Variants in IL1RAPL2 observed in about 807,000 individuals in gnomAD.
The protein encoded by IL1RAPL2 is X-linked interleukin-1 receptor accessory protein-like 2.
In IL1RAPL2, 3 loss-of-function variants were observed where a neutral mutation model predicts 44.1. The observed-to-expected ratio is 0.07, with a 90% CI of 0.03 to 0.18. IL1RAPL2 has a LOEUF of 0.18. Among genes scored for constraint, IL1RAPL2 ranks in the 10% least tolerant of loss-of-function variants. The pLI, the probability that IL1RAPL2 is intolerant of heterozygous loss-of-function variation, is 1.00. For missense variants in IL1RAPL2, 391 were observed against 496.4 expected (o/e 0.79, Z 2.02); for synonymous variants, 181 against 178.8 (o/e 1.01, Z -0.10).
At chrX:105,337,267 G>A (rs1046584732) in intron 5 of IL1RAPL2, among the ~76,000 whole-genome samples, 6 of 111,590 alleles carry the variant, frequency 5.4e-5, no homozygotes, top group Non-Finnish European at 1.1e-4. Context: ...AAATGATTTA[G>A]TAACAACCCA....
chrX:105,124,032 G>A (rs2032951257), intron 2 of IL1RAPL2, among the ~76,000 whole-genome samples: 1 of 110,788 alleles, frequency 9.0e-6, no homozygotes, highest in South Asian at 3.8e-4. Flanking sequence ...CTATCTAAAT[G>A]TAGCATCATC....
intron 4 of IL1RAPL2, among the ~76,000 whole-genome samples, chrX:105,256,351 C>T (rs1350509508): frequency 4.8e-5 from 5 of 103,377 alleles, no homozygotes; most frequent in African/African-American, 1.1e-4. Context: ...TTTTTTGAGA[C>T]GGAGTCTCTC....
intron 6 of IL1RAPL2, among the ~76,000 whole-genome samples, chrX:105,502,768 T>C (rs1602440715): frequency 9.1e-6 from 1 of 110,461 alleles, no homozygotes; most frequent in Non-Finnish European, 1.9e-5. Flanking sequence ...TAATGGTGTC[T>C]AGATTTCTGG....
chrX:104,649,809 T>C (rs1930118868), intron 1 of IL1RAPL2, among the ~76,000 whole-genome samples: 1 of 111,885 alleles, frequency 8.9e-6, no homozygotes, highest in African/African-American at 3.2e-5. Flanking sequence ...GTTTGCCATA[T>C]AGGTACTGTT....
At chrX:104,761,923 C>CCTTCTT (rs759437149) in intron 2 of IL1RAPL2, among the ~76,000 whole-genome samples, 38 of 30,804 alleles carry the variant, frequency 1.2e-3, no homozygotes, top group Admixed American at 3.9e-3. Context: ...TTCTCCTTCT[C>CCTTCTT]CTTCTTCTTC....
rs774605256 is a variant in IL1RAPL2 at position 104,571,735 on chromosome X, T to G, written c.-20+4684T>G. Among the ~76,000 whole-genome samples, 4 of 111,821 alleles carry G rather than the reference T, an allele frequency of 3.6e-5. No individual in the cohort carries two copies. In the South Asian group the frequency reaches 1.5e-3, roughly 43 times the overall value. ...CTTTATTAGCAGTATGAGAACAAAC[T>G]AATACAGGAAGTTCTCTAACATTGC... On this transcript the variant is annotated intron_variant, in intron 1 of 10. Transcript: ENST00000372582.
chrX:105,533,338 T>C (rs1338846437), intron 6 of IL1RAPL2, among the ~76,000 whole-genome samples: 1 of 112,188 alleles, frequency 8.9e-6, no homozygotes, highest in Non-Finnish European at 1.9e-5. Context: ...TATAAGAAAG[T>C]CCTATGTACC....
intron 2 of IL1RAPL2, among the ~76,000 whole-genome samples, chrX:104,741,174 G>T (rs755547377): frequency 9.0e-6 from 1 of 111,321 alleles, no homozygotes; most frequent in Non-Finnish European, 1.9e-5. Flanking sequence ...TCTTCACTTT[G>T]TTAGAAATAA....
intron 6 of IL1RAPL2, among the ~76,000 whole-genome samples, chrX:105,706,920 T>G (rs2038170489): frequency 9.0e-6 from 1 of 111,664 alleles, no homozygotes; most frequent in Non-Finnish European, 1.9e-5. Context: ...ATATTCAAAC[T>G]TATTAAATGG....
intron 7 of IL1RAPL2, among the ~76,000 whole-genome samples, chrX:105,722,765 G>C (rs767379697): frequency 6.3e-5 from 7 of 111,457 alleles, no homozygotes; most frequent in African/African-American, 2.3e-4. Flanking sequence ...CAACAGAAAT[G>C]TATTAGTCAA....
At chrX:105,016,790 C>G (rs369061840) in intron 2 of IL1RAPL2, among the ~76,000 whole-genome samples, 8 of 111,207 alleles carry the variant, frequency 7.2e-5, no homozygotes, top group Non-Finnish European at 1.1e-4. Context: ...TTTGTTGTCT[C>G]TCTGCCAGGT....
chrX:104,800,743 T>C (rs1270848436), intron 2 of IL1RAPL2, among the ~76,000 whole-genome samples: 2 of 112,861 alleles, frequency 1.8e-5, no homozygotes, highest in South Asian at 3.6e-4. Flanking sequence ...AGTCTGTTAA[T>C]GCACTATCCC....
chrX:105,599,709 T>A (rs1439688782), intron 6 of IL1RAPL2, among the ~76,000 whole-genome samples: 5 of 111,757 alleles, frequency 4.5e-5, no homozygotes, highest in African/African-American at 1.6e-4. Flanking sequence ...TGTGGATGAC[T>A]TGGCTTCCCT....
chrX:104,660,168 G>A (rs1930362137), intron 2 of IL1RAPL2, among the ~76,000 whole-genome samples: 1 of 111,277 alleles, frequency 9.0e-6, no homozygotes, highest in Admixed American at 9.6e-5. Context: ...CTGAATTTGT[G>A]TTTAATATTT....
At chrX:105,291,921 A>G (rs1200068680) in intron 5 of IL1RAPL2, among the ~76,000 whole-genome samples, 2 of 111,189 alleles carry the variant, frequency 1.8e-5, no homozygotes, top group Non-Finnish European at 3.8e-5. Context: ...TTAGTGGAAT[A>G]TGAAACTCAC....
intron 2 of IL1RAPL2, among the ~76,000 whole-genome samples, chrX:104,787,839 A>G (rs1363292164): frequency 8.9e-6 from 1 of 111,875 alleles, no homozygotes; most frequent in Non-Finnish European, 1.9e-5. Flanking sequence ...ATATATATAT[A>G]TTTTTAAATA....
rs2036310117 is a variant in IL1RAPL2 at position 105,490,625 on chromosome X, GCAAA to G, written c.772+6243_772+6246del. ...TTAATTCAATACTCAGGACTAGAAGGCAAACAAATACCCAGTTTAATCCCAAATT... is the reference window on the plus strand; with the variant it reads ...TTAATTCAATACTCAGGACTAGAAGGCAAATACCCAGTTTAATCCCAAATT... On this transcript the variant is annotated intron_variant, in intron 6 of 10. Transcript: ENST00000372582. Among the ~76,000 whole-genome samples, 3 of 112,056 alleles carry G rather than the reference GCAAA, an allele frequency of 2.7e-5. No homozygotes were observed. The Admixed American group carries it at 2.8e-4, about 11-fold the overall frequency.
rs764998421 is a variant in IL1RAPL2 at position 104,992,320 on chromosome X, G to A, written c.83-203155G>A. On this transcript the variant is annotated intron_variant, in intron 2 of 10. Transcript: ENST00000372582. Reference sequence around the variant, plus strand: ...AGGGGAGTTAAATGAGTACAGGAGAGGTACACAGAGGGGTATACCTAAGTC... The same window carrying A: ...AGGGGAGTTAAATGAGTACAGGAGAAGTACACAGAGGGGTATACCTAAGTC... Among the ~76,000 whole-genome samples, 9 of 110,887 alleles carry A rather than the reference G, an allele frequency of 8.1e-5. No homozygotes were observed. In the South Asian group the frequency reaches 1.9e-3, roughly 24 times the overall value.
intron 2 of IL1RAPL2, among the ~76,000 whole-genome samples, chrX:104,894,808 G>C (rs1349987962): frequency 8.9e-6 from 1 of 112,374 alleles, no homozygotes; most frequent in Non-Finnish European, 1.9e-5. Flanking sequence ...TCTCCATCCA[G>C]CTTTGTTCCA....
Sources: allele counts gnomAD v4.1 joint callset (sites outside exome capture counted in the v4.1 genomes callset), GRCh38; gene constraint gnomAD v4.1.1; transcripts MANE v1.5; gene names NCBI Gene and HGNC (gene_info 2026-07-23, HGNC 2026-07-21).